PIWIL2: variants seen among roughly 807,000 people sequenced by gnomAD.
The protein encoded by PIWIL2 is piwi like RNA-mediated gene silencing 2, also known as piwi-like protein 2.
PIWIL2 carries 81 observed loss-of-function variants against 116.5 expected under a neutral mutation model. The ratio of observed to expected loss-of-function variants is 0.70; its 90% CI spans 0.58 to 0.84. The LOEUF is 0.84. PIWIL2 is among the 40% of genes least tolerant of loss of function. PIWIL2 has a pLI of 0.00. For missense variants in PIWIL2, 1,272 were observed against 1,212.3 expected (o/e 1.05, Z -0.73); for synonymous variants, 489 against 429.5 (o/e 1.14, Z -1.71).
intron 6 of PIWIL2, among the ~76,000 whole-genome samples, chr8:22,285,878 C>G (rs1041086193): frequency 6.6e-6 from 1 of 152,092 alleles, no homozygotes; most frequent in African/African-American, 2.4e-5. Context: ...CTCCTGACCT[C>G]AAGTAATCCA....
chr8:22,327,024 C>CTTTTTTTTTTTTT (rs71544876), intron 20 of PIWIL2, among the ~76,000 whole-genome samples: 6 of 105,426 alleles, frequency 5.7e-5, no homozygotes, highest in African/African-American at 1.5e-4. Context: ...TGTTTTTTTA[C>CTTTTTTTTTTTTT]TTTTTTTTTT....
intron 20 of PIWIL2, among the ~76,000 whole-genome samples, chr8:22,336,651 A>G (rs983434991): frequency 2.0e-5 from 3 of 152,188 alleles, no homozygotes; most frequent in African/African-American, 7.2e-5. Flanking sequence ...TCATGCTTGT[A>G]GTTACAGGTA....
At chr8:22,284,316 G>A in intron 6 of PIWIL2, 44 bp downstream of exon 6, 1 of 1,031,058 alleles carries the variant, frequency 9.7e-7, no homozygotes, top group Non-Finnish European at 1.5e-6. Flanking sequence ...TTAAAGGGCA[G>A]TAAAAAAAAT....
chr8:22,355,517 G>C lies in PIWIL2; in HGVS notation c.*12G>C, dbSNP rs762242190. ...TGTTCTTCCTGTGACTGCACAGCTT[G>C]GAGATGGGCTGGTGAGAAGAAAGGC... On this transcript the variant is annotated 3_prime_UTR_variant, in exon 23 of 23. Coordinates refer to ENST00000356766, the MANE Select transcript of PIWIL2 (RefSeq NM_018068.5). 2 of 1,611,670 alleles carry C rather than the reference G, an allele frequency of 1.2e-6. No individual in the cohort carries two copies. The highest frequency in any genetic ancestry group is 1.7e-6 in the Non-Finnish European group (2 of 1,178,602).
intron 17 of PIWIL2, among the ~76,000 whole-genome samples, 157 bp downstream of exon 17, chr8:22,314,586 G>A (rs1159227987): frequency 2.0e-5 from 3 of 152,208 alleles, no homozygotes; most frequent in African/African-American, 7.2e-5. Flanking sequence ...GAGCAACCTG[G>A]CAAAGAGTAG....
chr8:22,307,746 CAATCAATTTTTAACCTT>C (rs1282002365), intron 13 of PIWIL2, among the ~76,000 whole-genome samples, 170 bp from the exon 14 acceptor site: 1 of 152,192 alleles, frequency 6.6e-6, no homozygotes, highest in East Asian at 1.9e-4. Context: ...CTCATCCTTC[CAATCAATTTTTAACCTT>C]ATATCACATT....
chr8:22,287,486 T>G, intron 6 of PIWIL2, 42 bp from the exon 7 acceptor site: 1 of 1,278,072 alleles, frequency 7.8e-7, no homozygotes, highest in Non-Finnish European at 1.1e-6. Context: ...AAGATTGCAG[T>G]TTGAGTCAAG....
chr8:22,352,864 T>C (rs927516716), intron 20 of PIWIL2, 95 bp from the exon 21 acceptor site: 2 of 1,271,368 alleles, frequency 1.6e-6, no homozygotes, highest in Non-Finnish European at 2.2e-6. Flanking sequence ...GGATCTGCCA[T>C]GATTCCAGGC....
At chr8:22,315,561 C>T (rs1831438981) in intron 18 of PIWIL2, among the ~76,000 whole-genome samples, 1 of 152,130 alleles carries the variant, frequency 6.6e-6, no homozygotes, top group Non-Finnish European at 1.5e-5. Flanking sequence ...GTGATCTGCC[C>T]ACCTCAGCCT....
chr8:22,288,816 A>G (rs1396366484), intron 8 of PIWIL2, 150 bp downstream of exon 8: 1 of 617,620 alleles, frequency 1.6e-6, no homozygotes, highest in Non-Finnish European at 2.7e-6. Context: ...ATTGAGGCTA[A>G]CTTACTCAAA....
Position 22,287,084 on chromosome 8 carries a change from CA to C in PIWIL2, c.744-433del, listed in dbSNP as rs775377576. Among the ~76,000 whole-genome samples the C allele has an allele frequency of 6.7e-3, 952 of 141,066 alleles. 5 individuals carry two copies. Among genetic ancestry groups the C allele is most frequent in the African/African-American group, 0.019 (725 of 38,492 alleles). 92.5% of individuals were successfully genotyped at this position (141,066 alleles called of 152,430 possible). A position where few individuals can be genotyped will look rare whatever the true frequency, so the allele number is the denominator to read the frequency against. ...TGGGTGACAAAGGAAGACCCTATCT[CA>C]AAAAAAAAAAGGGAGATGGGGAGAA... On this transcript the variant is annotated intron_variant, in intron 6 of 22. Transcript: ENST00000356766.
intron 2 of PIWIL2, 68 bp from the exon 3 acceptor site, chr8:22,281,052 A>G (rs1035493258): frequency 1.5e-5 from 13 of 865,174 alleles, no homozygotes; most frequent in Admixed American, 9.8e-5. Flanking sequence ...ATATACCAAG[A>G]CTAAGAAAGC....
At chr8:22,318,643 C>CT (rs1046292024) in intron 20 of PIWIL2, among the ~76,000 whole-genome samples, 1 of 152,088 alleles carries the variant, frequency 6.6e-6, no homozygotes, top group Non-Finnish European at 1.5e-5. Context: ...TAAGGATTAC[C>CT]TATGTGAACA....
intron 20 of PIWIL2, among the ~76,000 whole-genome samples, chr8:22,321,480 A>G (rs189918511): frequency 6.6e-6 from 1 of 152,204 alleles, no homozygotes; most frequent in East Asian, 1.9e-4. Context: ...CCATTTCCCC[A>G]GTTGTTCTGC....
intron 10 of PIWIL2, among the ~76,000 whole-genome samples, chr8:22,294,509 C>T (rs1190609462): frequency 6.6e-6 from 1 of 150,872 alleles, no homozygotes; most frequent in Non-Finnish European, 1.5e-5. Flanking sequence ...GGCGTGATGG[C>T]GGGCACCTGT....
chr8:22,344,456 C>G (rs1832179734), intron 20 of PIWIL2, among the ~76,000 whole-genome samples: 1 of 152,106 alleles, frequency 6.6e-6, no homozygotes, highest in African/African-American at 2.4e-5. Context: ...TATGGGAACT[C>G]TGTTCTATTG....
intron 20 of PIWIL2, among the ~76,000 whole-genome samples, chr8:22,334,051 G>A (rs1055379817): frequency 6.6e-6 from 1 of 150,976 alleles, no homozygotes; most frequent in Non-Finnish European, 1.5e-5. Context: ...TCAGCTCACT[G>A]CAACCTCCGC....
At chr8:22,325,782 C>G (rs932117309) in intron 20 of PIWIL2, among the ~76,000 whole-genome samples, 1 of 152,090 alleles carries the variant, frequency 6.6e-6, no homozygotes, top group African/African-American at 2.4e-5. Context: ...TCGCGCCCAG[C>G]CTTGTTTTAG....
At chr8:22,308,975 T>C (rs1381261692) in intron 14 of PIWIL2, among the ~76,000 whole-genome samples, 2 of 152,060 alleles carry the variant, frequency 1.3e-5, no homozygotes, top group African/African-American at 4.8e-5. Flanking sequence ...TTTTCTGTTT[T>C]TTTAAGATGG....
Sources: allele counts gnomAD v4.1 joint callset (sites outside exome capture counted in the v4.1 genomes callset), GRCh38; gene constraint gnomAD v4.1.1; transcripts MANE v1.5; gene names NCBI Gene and HGNC (gene_info 2026-07-23, HGNC 2026-07-21).